The following AP3D1 variants were observed in gnomAD, a reference collection of about 807,000 sequenced individuals.
AP3D1 encodes the protein adaptor related protein complex 3 subunit delta 1.
In AP3D1, 51 loss-of-function variants were observed where a neutral mutation model predicts 147.6. The ratio of observed to expected loss-of-function variants is 0.35; its 90% CI spans 0.28 to 0.44. The LOEUF (loss-of-function observed/expected upper bound fraction) is 0.44. Ranked by LOEUF, AP3D1 falls within the 20% of genes least tolerant of loss-of-function variation. AP3D1 has a pLI of 1.00. For synonymous variants in AP3D1, 760 were observed against 663.0 expected (o/e 1.15, Z -2.25); for missense variants, 1,421 against 1,624.2 (o/e 0.87, Z 2.15).
intron 28 of AP3D1, 42 bp from the exon 29 acceptor site, chr19:2,110,000 G>T: frequency 6.2e-7 from 1 of 1,606,998 alleles, no homozygotes. Context: ...GGGGAGTCGG[G>T]CCCAGCTCAG....
In AP3D1 at chr19:2,111,776, G is replaced by A. The variant is rs370011282; in HGVS notation, c.2840C>T (p.Thr947Ile). 5.0e-6 allele frequency: 8 copies of A among 1,613,260 alleles called. No individual in the cohort carries two copies. Among genetic ancestry groups the A allele is most frequent in the African/African-American group, 1.3e-5 (1 of 74,918 alleles). Residue 947 changes from threonine (T) to isoleucine (I), a missense_variant, in exon 25 of 32, where the codon ACC becomes ATC. Around this residue, in one of 6 missense-constraint regions of AP3D1, gnomAD observed 791 missense variants for 761.4 expected, o/e 1.04. Transcript: ENST00000643116. ...KKHRKEKEER[T>I]KGKKKSKKQP... is the part of the protein sequence containing the mutation. Reference sequence around the variant, plus strand: ...CTTCTTGGACTTCTTCTTGCCTTTGGTCCGCTCCTCCTTCTCCTTCCTGTG... The same window carrying A: ...CTTCTTGGACTTCTTCTTGCCTTTGATCCGCTCCTCCTTCTCCTTCCTGTG...
At chr19:2,146,099 T>C (rs1487286408) in intron 1 of AP3D1, among the ~76,000 whole-genome samples, 6 of 152,206 alleles carry the variant, frequency 3.9e-5, no homozygotes, top group Admixed American at 3.9e-4. Flanking sequence ...ACCACCCACA[T>C]GTCCGACTAT....
chr19:2,111,876 GCCC>G (rs1180468713), intron 24 of AP3D1, 48 bp from the exon 25 acceptor site: 1 of 1,595,700 alleles, frequency 6.3e-7, no homozygotes, highest in African/African-American at 1.4e-5. Context: ...GCTCCAGCAC[GCCC>G]CCATCACAGT....
upstream of AP3D1, among the ~76,000 whole-genome samples, chr19:2,151,998 G>A (rs1288047205): frequency 6.6e-6 from 1 of 152,234 alleles, no homozygotes; most frequent in African/African-American, 2.4e-5. Context: ...TCCTGGGTGG[G>A]TGGGGGAACG....
chr19:2,129,291 G>A, intron 7 of AP3D1, 27 bp downstream of exon 7: 1 of 1,613,672 alleles, frequency 6.2e-7, no homozygotes, highest in Non-Finnish European at 8.5e-7. Flanking sequence ...ACAGGGTGAG[G>A]AGGCCACATT....
In AP3D1 at chr19:2,110,244, G is replaced by A. The variant is rs750686951; in HGVS notation, c.3176-20C>T. ...AGACGCCTGGCGGGGGCGAGAGGGA[G>A]TGGGGCCTGAGACGCTGCGGGGGCT... On this transcript the variant is annotated intron_variant, in intron 27 of 31. Coordinates refer to ENST00000643116, the MANE Select transcript of AP3D1 (RefSeq NM_001261826.3). 3 of 1,608,370 alleles carry A rather than the reference G, an allele frequency of 1.9e-6. No homozygotes were observed. The highest frequency in any genetic ancestry group is 3.3e-5 in the Admixed American group (2 of 59,990).
At chr19:2,162,114 C>T (rs2019710482) in intron 1 of AP3D1, among the ~76,000 whole-genome samples, 1 of 148,416 alleles carries the variant, frequency 6.7e-6, no homozygotes, top group Non-Finnish European at 1.5e-5. Context: ...CGGGTCACTG[C>T]AGCCTCTGCC....
chr19:2,129,282 C>T, intron 7 of AP3D1, 36 bp downstream of exon 7: 1 of 1,613,772 alleles, frequency 6.2e-7, no homozygotes. Context: ...ATGCCCCACA[C>T]AGGGTGAGGA....
At chr19:2,138,294 G>C (rs1409462472) in intron 2 of AP3D1, among the ~76,000 whole-genome samples, 1 of 152,218 alleles carries the variant, frequency 6.6e-6, no homozygotes, top group African/African-American at 2.4e-5. Flanking sequence ...CTCCCCACTA[G>C]GTGTCCTGGC....
At chr19:2,123,928 C>T in intron 9 of AP3D1, 49 bp from the exon 10 acceptor site, 1 of 1,552,368 alleles carries the variant, frequency 6.4e-7, no homozygotes, top group Non-Finnish European at 8.7e-7. Context: ...ATGGCCAGCG[C>T]CGACACCAAC....
intron 9 of AP3D1, among the ~76,000 whole-genome samples, chr19:2,124,225 G>A (rs2018690520): frequency 6.6e-6 from 1 of 152,242 alleles, no homozygotes; most frequent in Non-Finnish European, 1.5e-5. Context: ...GACCCTGTAG[G>A]AACCCAGGCG....
rs374370751 is a variant in AP3D1, at chr19:2,120,536, T to A, written c.1481+326A>T. Among the ~76,000 whole-genome samples, 5 of 152,334 alleles carry A rather than the reference T, an allele frequency of 3.3e-5. No individual in the cohort carries two copies. In the East Asian group the frequency reaches 7.7e-4, roughly 24 times the overall value. ...CCCAGCTGGAACTGAGCCTTGCAGA[T>A]GCCCAGGGCCAGCCCCCCGTCTGCA... On this transcript the variant is annotated intron_variant, in intron 14 of 31. Coordinates refer to ENST00000643116, the MANE Select transcript of AP3D1 (RefSeq NM_001261826.3).
upstream of AP3D1, among the ~76,000 whole-genome samples, chr19:2,154,656 G>GC (rs1480011282): frequency 6.6e-6 from 1 of 152,172 alleles, no homozygotes; most frequent in Non-Finnish European, 1.5e-5. Flanking sequence ...CCTTTTCACT[G>GC]CCCAAGGCAG....
chr19:2,125,460 C>T (rs1401546482), intron 9 of AP3D1, among the ~76,000 whole-genome samples: 3 of 152,106 alleles, frequency 2.0e-5, no homozygotes, highest in South Asian at 2.1e-4. Context: ...GGATTACAGG[C>T]GCCCGACACC....
chr19:2,126,811 C>T (rs2018770952), intron 9 of AP3D1, among the ~76,000 whole-genome samples: 1 of 152,112 alleles, frequency 6.6e-6, no homozygotes, highest in South Asian at 2.1e-4. Context: ...CCCTGAGCAG[C>T]AGGGGCCGGC....
At position 2,132,421 on chromosome 19, in the gene AP3D1, T is replaced by G. The variant is rs774262042; in HGVS notation, c.462+50A>C. On this transcript the variant is annotated intron_variant, in intron 5 of 31. Coordinates refer to ENST00000643116, the MANE Select transcript of AP3D1 (RefSeq NM_001261826.3). ...TCCCAGGCATGCCACTTTGACCGAG[T>G]TTTTCCCAGAGCAGACATGCAGGGG... 1.2e-5 allele frequency: 19 copies of G among 1,529,434 alleles called. 1 individual carries two copies. The South Asian group carries it at 2.1e-4, about 17-fold the overall frequency. The allele number at this position is 1,529,434 out of a possible 1,614,324, so 94.7% of individuals were successfully genotyped here. A position where few individuals can be genotyped will look rare whatever the true frequency, so the allele number is the denominator to read the frequency against.
intron 9 of AP3D1, among the ~76,000 whole-genome samples, chr19:2,124,833 T>C (rs1027406346): frequency 6.6e-6 from 1 of 152,068 alleles, no homozygotes; most frequent in Non-Finnish European, 1.5e-5. Context: ...CCAGCTACTC[T>C]GGAGGCTGAG....
At chr19:2,119,416 G>A (rs539526426) in intron 14 of AP3D1, among the ~76,000 whole-genome samples, 108 of 150,990 alleles carry the variant, frequency 7.2e-4, no homozygotes, top group Non-Finnish European at 1.2e-3. Context: ...AAGTGAGGGC[G>A]GGCACGGTGG....
chr19:2,112,076 A>C (rs1467164838), intron 24 of AP3D1: 9 of 572,220 alleles, frequency 1.6e-5, no homozygotes, highest in Non-Finnish European at 2.5e-5. Context: ...CCCACCGACC[A>C]GGGAGCCATG....
Sources: gnomAD v4.1 joint callset for allele counts (sites outside exome capture counted in the v4.1 genomes callset) on GRCh38, gnomAD v4.1.1 for gene constraint, gnomAD v4.1.1 regional missense constraint, MANE v1.5 for transcripts, NCBI Gene and HGNC (gene_info 2026-07-23, HGNC 2026-07-21) for gene names.